TYW1B: variants seen among roughly 807,000 people sequenced by gnomAD.
The protein encoded by TYW1B is S-adenosyl-L-methionine-dependent tRNA 4-demethylwyosine synthase TYW1B.
A neutral mutation model predicts 86.9 loss-of-function variants in TYW1B; 73 were observed. The ratio of observed to expected loss-of-function variants is 0.84; its 90% CI spans 0.70 to 1.02. The LOEUF is 1.02. TYW1B is among the 50% of genes least tolerant of loss of function. The probability of loss-of-function intolerance (pLI) is 0.00; values close to 1 mark genes in which losing one functional copy is unlikely to be tolerated. For missense variants in TYW1B, 637 were observed against 827.4 expected, an observed-to-expected ratio of 0.77 and a Z score of 2.82; for synonymous variants, 248 against 292.8, an observed-to-expected ratio of 0.85 and a Z score of 1.56.
chr7:72,608,723 C>T (rs1191205757), intron 13 of TYW1B, among the ~76,000 whole-genome samples: 5 of 152,130 alleles, frequency 3.3e-5, no homozygotes, highest in African/African-American at 1.2e-4. Flanking sequence ...AAAAGAAAGT[C>T]GAAGTGGCTC....
intron 6 of TYW1B, among the ~76,000 whole-genome samples, chr7:72,790,104 C>A (rs558278801): frequency 2.6e-5 from 4 of 151,828 alleles, no homozygotes; most frequent in South Asian, 2.1e-4. Context: ...TGCACCACCA[C>A]GCCTGGCTAA....
intron 2 of TYW1B, among the ~76,000 whole-genome samples, chr7:72,824,154 T>C (rs1275239747): frequency 1.3e-5 from 2 of 152,106 alleles, no homozygotes; most frequent in Non-Finnish European, 2.9e-5. Flanking sequence ...TGCACTCAAG[T>C]AGTGAAAACC....
chr7:72,827,652 T>C (rs1177651481), intron 1 of TYW1B, among the ~76,000 whole-genome samples: 6 of 152,204 alleles, frequency 3.9e-5, no homozygotes, highest in African/African-American at 1.4e-4. Context: ...GTATTCTTTT[T>C]ACTAACTGTA....
chr7:72,811,919 CAA>C lies in TYW1B; in HGVS notation c.238-1256_238-1255del, dbSNP rs66698234. Reference sequence around the variant, plus strand: ...GGGCAACGAAGCGAAGACTCCATCTCAAAAAAAAAAAAAAAAGGAAAAGAAAA... The same window carrying C: ...GGGCAACGAAGCGAAGACTCCATCTCAAAAAAAAAAAAAAGGAAAAGAAAA... On this transcript the variant is annotated intron_variant, in intron 3 of 13. Coordinates refer to ENST00000620995, the MANE Select transcript of TYW1B (RefSeq NM_001145440.3). 7.3e-3 allele frequency among the ~76,000 whole-genome samples: 795 copies of C among 108,588 alleles called. 12 individuals are homozygous for C. Among genetic ancestry groups the C allele is most frequent in the South Asian group, 0.028 (94 of 3,370 alleles). 71.2% of individuals were successfully genotyped at this position (108,588 alleles called of 152,430 possible).
At chr7:72,822,714 C>T (rs1461212207) in intron 2 of TYW1B, among the ~76,000 whole-genome samples, 3 of 152,044 alleles carry the variant, frequency 2.0e-5, no homozygotes, top group Non-Finnish European at 4.4e-5. Context: ...AATCCTAGCC[C>T]AATATTGAGA....
At chr7:72,717,321 A>G (rs1461629547) in intron 9 of TYW1B, among the ~76,000 whole-genome samples, 1 of 151,294 alleles carries the variant, frequency 6.6e-6, no homozygotes, top group Non-Finnish European at 1.5e-5. Flanking sequence ...AAAAAAAATC[A>G]TGCAGTTTAT....
intron 7 of TYW1B, among the ~76,000 whole-genome samples, chr7:72,773,569 T>G (rs2129571949): frequency 6.6e-6 from 1 of 152,228 alleles, no homozygotes; most frequent in South Asian, 2.1e-4. Flanking sequence ...TGGCTACAGT[T>G]TGCAGGATTG....
At chr7:72,629,955 A>G (rs1354995151) in intron 11 of TYW1B, among the ~76,000 whole-genome samples, 2 of 152,102 alleles carry the variant, frequency 1.3e-5, no homozygotes, top group African/African-American at 4.8e-5. Flanking sequence ...ACATTCAAAA[A>G]CACTAAAAAA....
rs1212911105 is a variant in TYW1B, at chr7:72,595,346, T to C, written c.1786-19627A>G. On this transcript the variant is annotated intron_variant, in intron 13 of 13. Transcript: ENST00000620995. ...GAGCTGCATTTCCACATACTAATAA[T>C]GAACAATCTGAAAAGAAAAAACAAA... 3.9e-5 allele frequency among the ~76,000 whole-genome samples: 6 copies of C among 152,200 alleles called. No homozygotes were observed. In the East Asian group the frequency reaches 9.6e-4, roughly 24 times the overall value.
intron 5 of TYW1B, among the ~76,000 whole-genome samples, chr7:72,803,805 G>C (rs1389330893): frequency 1.3e-5 from 2 of 151,566 alleles, no homozygotes; most frequent in Non-Finnish European, 2.9e-5. Context: ...GTAGAGAGAG[G>C]GTTTCACCAT....
At chr7:72,610,531 T>A (rs1349532331) in intron 13 of TYW1B, among the ~76,000 whole-genome samples, 2 of 152,072 alleles carry the variant, frequency 1.3e-5, no homozygotes, top group Admixed American at 1.3e-4. Flanking sequence ...CTCACCACTC[T>A]CATTCATCAC....
At chr7:72,618,227 ATTTTT>A (rs869158136) in intron 12 of TYW1B, among the ~76,000 whole-genome samples, 6 of 103,940 alleles carry the variant, frequency 5.8e-5, no homozygotes, top group African/African-American at 1.2e-4. Flanking sequence ...ATGACACTGA[ATTTTT>A]TTTTTTTTTT....
intron 7 of TYW1B, among the ~76,000 whole-genome samples, chr7:72,751,717 A>ATTCC (rs1787503602): frequency 6.6e-6 from 1 of 152,222 alleles, no homozygotes; most frequent in South Asian, 2.1e-4. Flanking sequence ...CTTGTGTCCT[A>ATTCC]GACATTCTGT....
At chr7:72,672,739 C>T (rs1393740576) in intron 11 of TYW1B, among the ~76,000 whole-genome samples, 2 of 152,116 alleles carry the variant, frequency 1.3e-5, no homozygotes, top group African/African-American at 4.8e-5. Flanking sequence ...TCTGCAGATA[C>T]TGAGAGACAA....
At position 72,645,071 on chromosome 7, in the gene TYW1B, C is replaced by T. The variant is rs372758812; in HGVS notation, c.1507-16074G>A. Among the ~76,000 whole-genome samples, 5 of 152,080 alleles carry T rather than the reference C, an allele frequency of 3.3e-5. No individual in the cohort carries two copies. The East Asian group carries it at 9.6e-4, about 29-fold the overall frequency. On this transcript the variant is annotated intron_variant, in intron 11 of 13. Transcript: ENST00000620995. ...CTTGATCTCCTGAACTCATGATCCA[C>T]CCACCTCGGCCTCCCAAAGAGCTGG... is the stretch of plus-strand genomic sequence containing the variant.
Position 72,825,631 on chromosome 7 carries a change from T to G in TYW1B, c.135+1224A>C, listed in dbSNP as rs536312073. Among the ~76,000 whole-genome samples, 27 of 152,182 alleles carry G rather than the reference T, an allele frequency of 1.8e-4. No homozygotes were observed. The East Asian group carries it at 5.2e-3, about 29-fold the overall frequency. ...AGGTGGAGGTTGCAGTGAGCCGAGA[T>G]CGTGCCACTGCACTCCAGCCTGGGT... On this transcript the variant is annotated intron_variant, in intron 2 of 13. Transcript: ENST00000620995.
intron 13 of TYW1B, among the ~76,000 whole-genome samples, chr7:72,597,917 T>C (rs1811574771): frequency 6.6e-6 from 1 of 152,038 alleles, no homozygotes; most frequent in Non-Finnish European, 1.5e-5. Context: ...TCTCCTATTA[T>C]GAGCTGAATA....
chr7:72,795,389 T>A (rs1372654693), intron 6 of TYW1B, among the ~76,000 whole-genome samples: 2 of 151,724 alleles, frequency 1.3e-5, no homozygotes, highest in African/African-American at 4.8e-5. Flanking sequence ...CGCCTCACCA[T>A]GTTTTTTTGT....
chr7:72,584,845 T>G (rs1811238698), intron 13 of TYW1B, among the ~76,000 whole-genome samples: 2 of 152,164 alleles, frequency 1.3e-5, no homozygotes, highest in African/African-American at 4.8e-5. Context: ...TGTTAATTAT[T>G]TCTCTACTCA....
Sources: allele counts gnomAD v4.1 joint callset (sites outside exome capture counted in the v4.1 genomes callset), GRCh38; gene constraint gnomAD v4.1.1; transcripts MANE v1.5; gene names NCBI Gene and HGNC (gene_info 2026-07-23, HGNC 2026-07-21).